The following COL7A1 variants were observed in gnomAD, a reference collection of about 807,000 sequenced individuals.
COL7A1 encodes collagen type VII alpha 1 chain.
A neutral mutation model predicts 456.2 loss-of-function variants in COL7A1; 296 were observed. That is an observed-to-expected ratio of 0.65 (90% CI 0.59 to 0.71). The LOEUF is 0.71. COL7A1 is among the 30% of genes least tolerant of loss of function. The pLI is 0.00. For synonymous variants in COL7A1, 1,464 were observed against 1,525.9 expected (o/e 0.96, Z 0.95); for missense variants, 3,441 against 4,017.2 (o/e 0.86, Z 3.88).
chr3:48,575,284 T>TTCC lies in COL7A1; in HGVS notation c.6181-43_6181-42insGGA. The stretch of plus-strand genomic sequence containing the variant: ...GGGTGAGGGCCAAGCCCATGGGGGG[T>TTCC]CCCACCCCTCCCAACCCCTCTTCCC... On this transcript the variant is annotated intron_variant, in intron 74 of 118. Coordinates refer to ENST00000681320, the MANE Select transcript of COL7A1 (RefSeq NM_000094.4). The surrounding 1 kb of genome is among the most constrained non-coding windows in gnomAD (Gnocchi z 6.3). 8 of 1,533,420 alleles carry TTCC rather than the reference T, an allele frequency of 5.2e-6. No individual in the cohort carries two copies. Among genetic ancestry groups the TTCC allele is most frequent in the South Asian group, 1.1e-5 (1 of 89,190 alleles). 95.0% of individuals were successfully genotyped at this position (1,533,420 alleles called of 1,614,324 possible). A position where few individuals can be genotyped will look rare whatever the true frequency, so the allele number is the denominator to read the frequency against.
chr3:48,569,539 C>A lies in COL7A1; in HGVS notation c.7614+53G>T. On this transcript the variant is annotated intron_variant, in intron 102 of 118. Transcript: ENST00000681320. The surrounding 1 kb of genome is among the most constrained non-coding windows in gnomAD (Gnocchi z 4.9). ...TCTCAGATGCCCTGGGCCAGCCCCA[C>A]GGGGTCCCTCTCGCACCCAGGGGAG... 3 of 1,613,112 alleles carry A rather than the reference C, an allele frequency of 1.9e-6. No individual in the cohort carries two copies. Among genetic ancestry groups the A allele is most frequent in the Non-Finnish European group, 2.5e-6 (3 of 1,179,254 alleles).
rs1414691434 is a variant in COL7A1, at chr3:48,585,124, G to T, written c.3895-8C>A. The T allele has an allele frequency of 6.2e-7, 1 of 1,610,614 alleles. No homozygotes were observed. The highest frequency in any genetic ancestry group is 1.3e-5 in the African/African-American group (1 of 74,858). On this transcript the variant is annotated splice_region_variant and splice_polypyrimidine_tract_variant and intron_variant, in intron 32 of 118. Transcript: ENST00000681320. This position sits in a 1 kb window ranked among gnomAD's most constrained non-coding sequence, Gnocchi z 4.5. ...ATCTGCTCCAGGGAAGCCCTGAGGAGGTGAAGAGGTCAGGACAGGAAGGGA... is the reference window on the plus strand; with the variant it reads ...ATCTGCTCCAGGGAAGCCCTGAGGATGTGAAGAGGTCAGGACAGGAAGGGA...
chr3:48,568,127 T>G lies in COL7A1; in HGVS notation c.7838A>C (p.Lys2613Thr), dbSNP rs2043690120. 1.9e-6 allele frequency: 3 copies of G among 1,614,126 alleles called. No homozygotes were observed. Among genetic ancestry groups the G allele is most frequent in the Non-Finnish European group, 1.7e-6 (2 of 1,180,016 alleles). The part of the protein sequence containing the change: ...KDGVPGIRGE[K>T]GDVGFMGPRG... ...GGGACCCATGAAGCCAACATCTCCT[T>G]TTTCTCCTCGGATACCAGGCACTCC... Residue 2613 changes from lysine to threonine, a missense_variant, in exon 106 of 119, where the codon AAA becomes ACA. Lys to Thr is a moderately conservative substitution (Grantham distance 78). Around this residue, in one of 3 missense-constraint regions of COL7A1, gnomAD observed 2,084 missense variants for 2,501.3 expected, o/e 0.83. Transcript: ENST00000681320. The surrounding 1 kb of genome is among the most constrained non-coding windows in gnomAD (Gnocchi z 5.2).
rs1409325422 is a variant in COL7A1 at position 48,584,764 on chromosome 3, C to A, written c.4017G>T (p.Glu1339Asp). The A allele has an allele frequency of 6.2e-7, 1 of 1,614,034 alleles. No individual in the cohort carries two copies. The highest frequency in any genetic ancestry group is 1.1e-5 in the South Asian group (1 of 91,090). ...CCCCCTTTGGGCCTCGAGGTCCTCG[C>A]TCTCCCTGAGGACGAAACAGAGCAG... Reference protein sequence around the residue: ...GLPGPRGDPGERGPRGPKGEP... With the variant: ...GLPGPRGDPGDRGPRGPKGEP... Residue 1339 changes from glutamate to aspartate, a missense_variant, in exon 35 of 119, where the codon GAG becomes GAT. Glu to Asp is a conservative substitution (Grantham distance 45, BLOSUM62 2). Coordinates refer to ENST00000681320, the MANE Select transcript of COL7A1 (RefSeq NM_000094.4).
In COL7A1 at chr3:48,584,306, C is replaced by CTGTTCCA. The variant is rs745318365; in HGVS notation, c.4182_4188dup (p.Ala1397TrpfsTer7). 1.9e-6 allele frequency: 3 copies of CTGTTCCA among 1,609,550 alleles called. No individual in the cohort carries two copies. In the African/African-American group the frequency reaches 4.0e-5, roughly 22 times the overall value. ...ACTCATGAGGCTGTCACCTTCATGG[C>CTGTTCCA]TGTTCCAGGAAGCCCTGGGGGGCCA... On this transcript the variant is annotated frameshift_variant, in exon 37 of 119. Coordinates refer to ENST00000681320, the MANE Select transcript of COL7A1 (RefSeq NM_000094.4). LOFTEE classifies it high-confidence loss of function.
At position 48,579,247 on chromosome 3, in the gene COL7A1, G is replaced by A. The variant is rs368689836; in HGVS notation, c.5338C>T (p.Arg1780Trp). The change falls in exon 62 of 119, where the codon CGG becomes TGG. Residue 1780 changes from arginine (R) to tryptophan (W), a missense_variant. This residue lies in a region of COL7A1 where 2,084 missense variants were observed against 2,501.3 expected (regional missense o/e 0.83). Coordinates refer to ENST00000681320, the MANE Select transcript of COL7A1 (RefSeq NM_000094.4). The surrounding 1 kb of genome is among the most constrained non-coding windows in gnomAD (Gnocchi z 4.4). ...CCTGGTTTCCCATCCAGTCCGCTCC[G>A]GCCATCCAGCCCAGGGGGACCCCGG... Reference protein sequence around the residue: ...GDRGPPGLDGRSGLDGKPGAA... With the variant: ...GDRGPPGLDGWSGLDGKPGAA... 4.5e-5 allele frequency: 72 copies of A among 1,613,772 alleles called. No homozygotes were observed. Among genetic ancestry groups the A allele is most frequent in the South Asian group, 2.9e-4 (26 of 91,088 alleles).
Position 48,593,609 on chromosome 3 carries a change from G to A in COL7A1, c.354C>T (p.Arg118=), listed in dbSNP as rs2045864886. The A allele has an allele frequency of 1.9e-6, 3 of 1,614,228 alleles. No homozygotes were observed. The highest frequency in any genetic ancestry group is 2.5e-6 in the Non-Finnish European group (3 of 1,180,040). Residue 118 remains arginine, a synonymous_variant, in exon 4 of 119, where the codon CGC becomes CGT. Coordinates refer to ENST00000681320, the MANE Select transcript of COL7A1 (RefSeq NM_000094.4). The surrounding 1 kb of genome is among the most constrained non-coding windows in gnomAD (Gnocchi z 4.4). The stretch of plus-strand genomic sequence containing the variant: ...CCACATGGAGAATTGCAGCCCCTGT[G>A]CGAGTGTTGCCCCCCTTGTAGCTAA... ...RELSYKGGNT[R]TGAAILHVAD... is the part of the protein sequence containing the mutation.
At position 48,585,495 on chromosome 3, in the gene COL7A1, TA is replaced by T; in HGVS notation, c.3894+61del. The T allele has an allele frequency of 1.3e-6, 2 of 1,567,478 alleles. No homozygotes were observed. Among genetic ancestry groups the T allele is most frequent in the Non-Finnish European group, 1.8e-6 (2 of 1,139,644 alleles). On this transcript the variant is annotated intron_variant, in intron 32 of 118. Transcript: ENST00000681320. This position sits in a 1 kb window ranked among gnomAD's most constrained non-coding sequence, Gnocchi z 4.5. ...AACTCTGCTTCTTCCTTCTCTCTTG[TA>T]AAAACCCCGAGACAGCTTTGAGGAG... is the stretch of plus-strand genomic sequence containing the variant.
Position 48,590,419 on chromosome 3 carries a change from T to A in COL7A1, c.1906+40A>T. On this transcript the variant is annotated intron_variant, in intron 15 of 118. Coordinates refer to ENST00000681320, the MANE Select transcript of COL7A1 (RefSeq NM_000094.4). This position sits in a 1 kb window ranked among gnomAD's most constrained non-coding sequence, Gnocchi z 4.6. ...GTCCCCTCTGGCACCCATACCCTCA[T>A]TGGTCCCTTTGGCAGTCCCCCCACA... is the stretch of plus-strand genomic sequence containing the variant. 1 of 1,614,068 alleles carries A rather than the reference T, an allele frequency of 6.2e-7. No individual in the cohort carries two copies. The highest frequency in any genetic ancestry group is 8.5e-7 in the Non-Finnish European group (1 of 1,179,990).
chr3:48,566,709 ACT>A lies in COL7A1; in HGVS notation c.8253_8254del (p.Arg2751SerfsTer38). On this transcript the variant is annotated frameshift_variant, in exon 112 of 119. Transcript: ENST00000681320. LOFTEE classifies it high-confidence loss of function. This position sits in a 1 kb window ranked among gnomAD's most constrained non-coding sequence, Gnocchi z 5.9. ...TCCAGGGACCCCAGGAGCCCCCACC[ACT>A]CTCTCTCCGGGGGGACCTCGCTCAC... The A allele has an allele frequency of 6.2e-7, 1 of 1,612,952 alleles. No homozygotes were observed. The highest frequency in any genetic ancestry group is 8.5e-7 in the Non-Finnish European group (1 of 1,179,676).
chr3:48,572,619 G>C lies in COL7A1; in HGVS notation c.6900+52C>G. The C allele has an allele frequency of 6.2e-7, 1 of 1,603,330 alleles. No homozygotes were observed. The highest frequency in any genetic ancestry group is 8.5e-7 in the Non-Finnish European group (1 of 1,174,404). ...CCATGGCATTTGGAAACAGGCTTGTGGGTGAGGCAGAGGAGTTGCTGCAGG... is the reference window on the plus strand; with the variant it reads ...CCATGGCATTTGGAAACAGGCTTGTCGGTGAGGCAGAGGAGTTGCTGCAGG... On this transcript the variant is annotated intron_variant, in intron 88 of 118. Transcript: ENST00000681320. This position sits in a 1 kb window ranked among gnomAD's most constrained non-coding sequence, Gnocchi z 4.6.
rs1392128039 is a variant in COL7A1, at chr3:48,583,621, G to A, written c.4342-6C>T. ...GCTCCATCCTCAGAGTCACCCTGAAGGAGAAACACACGGGTGGGAAGACCG... is the reference window on the plus strand; with the variant it reads ...GCTCCATCCTCAGAGTCACCCTGAAAGAGAAACACACGGGTGGGAAGACCG... On this transcript the variant is annotated splice_polypyrimidine_tract_variant and splice_region_variant and intron_variant, in intron 40 of 118. Coordinates refer to ENST00000681320, the MANE Select transcript of COL7A1 (RefSeq NM_000094.4). This position sits in a 1 kb window ranked among gnomAD's most constrained non-coding sequence, Gnocchi z 5.1. The A allele has an allele frequency of 6.2e-7, 1 of 1,614,058 alleles. No individual in the cohort carries two copies.
At chr3:48,584,637 T>C in intron 35 of COL7A1, 81 bp from the exon 36 acceptor site, 1 of 1,611,878 alleles carries the variant, frequency 6.2e-7, no homozygotes, top group South Asian at 1.1e-5. Flanking sequence ...TGTCCAGCTA[T>C]TCCTATTCGC....
At position 48,578,989 on chromosome 3, in the gene COL7A1, A is replaced by G. The variant is rs746509489; in HGVS notation, c.5389-35T>C. 1 of 1,613,764 alleles carries G rather than the reference A, an allele frequency of 6.2e-7. No individual in the cohort carries two copies. Among genetic ancestry groups the G allele is most frequent in the South Asian group, 1.1e-5 (1 of 91,082 alleles). On this transcript the variant is annotated intron_variant, in intron 62 of 118. Transcript: ENST00000681320. The surrounding 1 kb of genome is among the most constrained non-coding windows in gnomAD (Gnocchi z 4.7). ...GACTCAAAGTCAGTTCATCATGGTC[A>G]TGGGGTCAGGGGCTCTAGTCCCTGT...
In COL7A1 at chr3:48,594,689, G is replaced by C; in HGVS notation, c.86-141C>G. On this transcript the variant is annotated intron_variant, in intron 2 of 118. Coordinates refer to ENST00000681320, the MANE Select transcript of COL7A1 (RefSeq NM_000094.4). This position sits in a 1 kb window ranked among gnomAD's most constrained non-coding sequence, Gnocchi z 5.5. Reference sequence around the variant, plus strand: ...ACCAGGGCCGAATCGGCCTGAGCCTGAGGGCCTTGGAGGGAGTTGAGCTCG... The same window carrying C: ...ACCAGGGCCGAATCGGCCTGAGCCTCAGGGCCTTGGAGGGAGTTGAGCTCG... The C allele has an allele frequency of 2.0e-6, 2 of 994,342 alleles. No homozygotes were observed. The highest frequency in any genetic ancestry group is 2.9e-6 in the Non-Finnish European group (2 of 679,198). 61.6% of individuals were successfully genotyped at this position (994,342 alleles called of 1,614,324 possible).
chr3:48,582,997 C>G lies in COL7A1; in HGVS notation c.4518+16G>C, dbSNP rs758736090. The G allele has an allele frequency of 6.2e-7, 1 of 1,614,056 alleles. No individual in the cohort carries two copies. The highest frequency in any genetic ancestry group is 8.5e-7 in the Non-Finnish European group (1 of 1,179,984). ...GCCAGGTCAGCTGGTATGAGCATTG[C>G]AGCCAGTGGGTTTACCCGGGATCCC... On this transcript the variant is annotated intron_variant, in intron 44 of 118. Coordinates refer to ENST00000681320, the MANE Select transcript of COL7A1 (RefSeq NM_000094.4).
Position 48,567,328 on chromosome 3 carries a change from T to G in COL7A1, c.8047-138A>C. 1 of 1,090,026 alleles carries G rather than the reference T, an allele frequency of 9.2e-7. No individual in the cohort carries two copies. Among genetic ancestry groups the G allele is most frequent in the South Asian group, 1.3e-5 (1 of 77,266 alleles). The allele number at this position is 1,090,026 out of a possible 1,614,324, so 67.5% of individuals were successfully genotyped here. A position where few individuals can be genotyped will look rare whatever the true frequency, so the allele number is the denominator to read the frequency against. ...GCACCTGTGAGCCAACCAGATGTGA[T>G]CCCCATGACTCCAACTCCACTATAG... On this transcript the variant is annotated intron_variant, in intron 109 of 118. Coordinates refer to ENST00000681320, the MANE Select transcript of COL7A1 (RefSeq NM_000094.4). This position sits in a 1 kb window ranked among gnomAD's most constrained non-coding sequence, Gnocchi z 4.3.
Position 48,565,496 on chromosome 3 carries a change from C to T in COL7A1, c.8441G>A (p.Arg2814Gln), listed in dbSNP as rs767236747. 31 of 1,613,454 alleles carry T rather than the reference C, an allele frequency of 1.9e-5. No homozygotes were observed. The highest frequency in any genetic ancestry group is 3.4e-6 in the Non-Finnish European group (4 of 1,179,760). The change falls in exon 116 of 119, where the codon CGA (arginine) becomes CAA (glutamine). Residue 2814 changes from arginine (R) to glutamine (Q), a missense_variant and splice_region_variant. Physicochemically the swap from Arg to Gln is conservative, Grantham distance 43. Around this residue, in one of 3 missense-constraint regions of COL7A1, gnomAD observed 2,084 missense variants for 2,501.3 expected, o/e 0.83. Transcript: ENST00000681320. The surrounding 1 kb of genome is among the most constrained non-coding windows in gnomAD (Gnocchi z 4.5). ...GTCTGCAGCATAACTAGGGAGGGGT[C>T]CTGGAGCCAAGAGCAGGGGCCTCAG... is the stretch of plus-strand genomic sequence containing the variant. ...CQGQFIASGS[R>Q]PLPSYAADTA...
chr3:48,572,877 C>T lies in COL7A1; in HGVS notation c.6816G>A (p.Gly2272=), dbSNP rs2107659496. 2 of 1,614,062 alleles carry T rather than the reference C, an allele frequency of 1.2e-6. No individual in the cohort carries two copies. Among genetic ancestry groups the T allele is most frequent in the Non-Finnish European group, 1.7e-6 (2 of 1,180,008 alleles). Residue 2272 remains glycine (G), a synonymous_variant, in exon 87 of 119, where the codon GGG becomes GGA. Transcript: ENST00000681320. This position sits in a 1 kb window ranked among gnomAD's most constrained non-coding sequence, Gnocchi z 4.6. ...GAACACATACTGGCACACCAGGGCT[C>T]CCTCTGTCTCCATCTTTTCCACTGG... ...DGASGKDGDR[G]SPGVPGSPGL...
Sources: allele counts gnomAD v4.1 joint callset, GRCh38; gene constraint gnomAD v4.1.1; regional missense constraint gnomAD v4.1.1; non-coding constraint Gnocchi (gnomAD v3.1); transcripts MANE v1.5; gene names NCBI Gene and HGNC (gene_info 2026-07-23, HGNC 2026-07-21).